Variants in DNAH8 observed in about 807,000 individuals in gnomAD.
DNAH8 encodes axonemal beta dynein heavy chain 8.
DNAH8 carries 382 observed loss-of-function variants against 562.1 expected under a neutral mutation model. That is an observed-to-expected ratio of 0.68 (90% CI 0.63 to 0.74). DNAH8 has a LOEUF of 0.74. Among genes scored for constraint, DNAH8 ranks in the 30% least tolerant of loss-of-function variants. The probability of loss-of-function intolerance (pLI) is 0.00; values close to 1 mark genes in which losing one functional copy is unlikely to be tolerated. For synonymous variants in DNAH8, 1,881 were observed against 1,919.4 expected, an observed-to-expected ratio of 0.98 and a Z score of 0.52; for missense variants, 5,203 against 5,620.4, an observed-to-expected ratio of 0.93 and a Z score of 2.37.
intron 87 of DNAH8, among the ~76,000 whole-genome samples, chr6:38,986,516 TA>T (rs1370266302): frequency 3.9e-5 from 6 of 152,022 alleles, no homozygotes; most frequent in African/African-American, 1.4e-4. Context: ...CCTAGATTCA[TA>T]AAAATAATAA....
intron 88 of DNAH8, among the ~76,000 whole-genome samples, chr6:39,002,613 A>G (rs1318453671): frequency 6.6e-6 from 1 of 152,198 alleles, no homozygotes; most frequent in Non-Finnish European, 1.5e-5. Context: ...AACTTTTAAG[A>G]TAAGTGTCTT....
rs201125423 is a variant in DNAH8 at position 38,806,793 on chromosome 6, AT to A, written c.3151-816del. Among the ~76,000 whole-genome samples, 295 of 151,920 alleles carry A rather than the reference AT, an allele frequency of 1.9e-3. 1 individual carries two copies. Among genetic ancestry groups the A allele is most frequent in the African/African-American group, 5.8e-3 (240 of 41,264 alleles). On this transcript the variant is annotated intron_variant, in intron 23 of 92. Coordinates refer to ENST00000327475, the MANE Select transcript of DNAH8 (RefSeq NM_001206927.2). ...AAGACTCTGTCTCAAAAAAAAAATA[AT>A]AATAATAATAAAAATCTGATTATGT...
Position 38,984,186 on chromosome 6 carries a change from C to T in DNAH8, c.12952-20C>T. 1 of 1,398,180 alleles carries T rather than the reference C, an allele frequency of 7.2e-7. No homozygotes were observed. Among genetic ancestry groups the T allele is most frequent in the Non-Finnish European group, 1.0e-6 (1 of 994,172 alleles). The allele number at this position is 1,398,180 out of a possible 1,614,324, so 86.6% of individuals were successfully genotyped here. Reference sequence around the variant, plus strand: ...GTGTTTGGGTTGACAATTAATAATCCTTTTTTACTTTTAATAAAGGGTGTA... The same window carrying T: ...GTGTTTGGGTTGACAATTAATAATCTTTTTTTACTTTTAATAAAGGGTGTA... On this transcript the variant is annotated intron_variant, in intron 86 of 92. Transcript: ENST00000327475.
chr6:38,914,315 T>A (rs1781126644), intron 67 of DNAH8, among the ~76,000 whole-genome samples: 1 of 151,864 alleles, frequency 6.6e-6, no homozygotes, highest in Admixed American at 6.6e-5. Flanking sequence ...GGTAGAGTTT[T>A]TTTTTTTAAA....
chr6:38,911,522 T>C lies in DNAH8; in HGVS notation c.9795T>C (p.Gly3265=). The C allele has an allele frequency of 1.2e-6, 2 of 1,613,924 alleles. No individual in the cohort carries two copies. The highest frequency in any genetic ancestry group is 1.7e-6 in the Non-Finnish European group (2 of 1,179,828). ...AATCTTACCTCTCATTTATAAATGG[T>C]TATAAAAACATTTATGCTGAAAAGG... ...TPKSYLSFIN[G]YKNIYAEKVK... Residue 3265 remains glycine (G), a synonymous_variant, in exon 66 of 93, where the codon GGT becomes GGC. Coordinates refer to ENST00000327475, the MANE Select transcript of DNAH8 (RefSeq NM_001206927.2).
chr6:38,741,926 A>G, intron 8 of DNAH8, 39 bp downstream of exon 8: 1 of 1,540,938 alleles, frequency 6.5e-7, no homozygotes, highest in South Asian at 1.2e-5. Context: ...ATACTTCAGA[A>G]CAAGCAACTA....
Position 38,926,314 on chromosome 6 carries a change from G to A in DNAH8, c.11118+104G>A. 5 of 1,282,448 alleles carry A rather than the reference G, an allele frequency of 3.9e-6. No homozygotes were observed. The South Asian group carries it at 4.4e-5, about 11-fold the overall frequency. 79.4% of individuals were successfully genotyped at this position (1,282,448 alleles called of 1,614,324 possible). On this transcript the variant is annotated intron_variant, in intron 74 of 92. Coordinates refer to ENST00000327475, the MANE Select transcript of DNAH8 (RefSeq NM_001206927.2). ...TAAAGTTGTCATCTCCATGACAAATGTTTGCTAATTCACACTCTTGAGTTT... is the reference window on the plus strand; with the variant it reads ...TAAAGTTGTCATCTCCATGACAAATATTTGCTAATTCACACTCTTGAGTTT...
intron 21 of DNAH8, 108 bp downstream of exon 21, chr6:38,791,782 T>C: frequency 8.8e-7 from 1 of 1,136,826 alleles, no homozygotes; most frequent in African/African-American, 1.6e-5. Flanking sequence ...ATTTAGACTT[T>C]TTTTTTTTGT....
chr6:38,931,620 G>C (rs1363464685), intron 75 of DNAH8, among the ~76,000 whole-genome samples, 191 bp from the exon 76 acceptor site: 1 of 152,048 alleles, frequency 6.6e-6, no homozygotes, highest in Non-Finnish European at 1.5e-5. Flanking sequence ...CACCAGGCAG[G>C]ACTACAATTC....
rs1005158629 is a variant in DNAH8, at chr6:38,722,924, G to A, written c.115G>A (p.Val39Met). The A allele has an allele frequency of 6.2e-7, 1 of 1,612,542 alleles. No individual in the cohort carries two copies. Among genetic ancestry groups the A allele is most frequent in the Admixed American group, 1.7e-5 (1 of 59,994 alleles). ...GGAAGAGGCCCCGCGCCCTCCGACA[G>A]TGGAGGCCCCGGCAGAAGATGGTTT... ...EEEEAPRPPT[V>M]EAPAEDGFSP... is the part of the protein sequence containing the mutation. Residue 39 changes from valine (V) to methionine (M), a missense_variant, in exon 2 of 93, where the codon GTG (valine) becomes ATG (methionine). Transcript: ENST00000327475.
intron 28 of DNAH8, among the ~76,000 whole-genome samples, chr6:38,825,038 G>C (rs1368681280): frequency 6.6e-6 from 1 of 152,198 alleles, no homozygotes; most frequent in Non-Finnish European, 1.5e-5. Flanking sequence ...AAAAGCAACT[G>C]TAGTATACAG....
chr6:38,904,336 C>T (rs9462460), intron 62 of DNAH8, among the ~76,000 whole-genome samples: 21,998 of 151,630 alleles, frequency 0.15, 1,905 homozygotes, highest in South Asian at 0.36. Flanking sequence ...ATGGGGAGTA[C>T]GAATAGGGTG....
At chr6:38,741,451 TC>T (rs1253967065) in intron 7 of DNAH8, among the ~76,000 whole-genome samples, 3 of 122,610 alleles carry the variant, frequency 2.4e-5, no homozygotes, top group Admixed American at 8.3e-5. Context: ...AAAAACTACC[TC>T]CCCCCCGACC....
intron 12 of DNAH8, among the ~76,000 whole-genome samples, chr6:38,771,085 A>G (rs1016132273): frequency 6.6e-6 from 1 of 152,196 alleles, no homozygotes; most frequent in Non-Finnish European, 1.5e-5. Context: ...CCCATATCAG[A>G]GACTTCTTGG....
intron 57 of DNAH8, among the ~76,000 whole-genome samples, chr6:38,887,308 G>T (rs1391441085): frequency 6.6e-6 from 1 of 152,180 alleles, no homozygotes; most frequent in East Asian, 1.9e-4. Flanking sequence ...ATAGCACAAA[G>T]ATCACAGATT....
chr6:38,897,958 G>C (rs1285251920), intron 60 of DNAH8, among the ~76,000 whole-genome samples: 1 of 152,030 alleles, frequency 6.6e-6, no homozygotes, highest in Non-Finnish European at 1.5e-5. Context: ...ATATTAAAAA[G>C]TAAGTAAAAA....
intron 28 of DNAH8, 114 bp downstream of exon 28, chr6:38,823,802 A>G: frequency 4.0e-6 from 2 of 502,100 alleles, no homozygotes. Flanking sequence ...CCAAGATATA[A>G]TAATAATAAT....
intron 82 of DNAH8, among the ~76,000 whole-genome samples, chr6:38,968,438 A>G (rs1414393730): frequency 6.6e-6 from 1 of 152,194 alleles, no homozygotes; most frequent in Non-Finnish European, 1.5e-5. Context: ...CAACTCAACA[A>G]TAGTCAAATT....
chr6:38,859,799 G>C (rs1776468380), intron 42 of DNAH8, among the ~76,000 whole-genome samples: 1 of 152,202 alleles, frequency 6.6e-6, no homozygotes, highest in Non-Finnish European at 1.5e-5. Context: ...CTTGGCTATA[G>C]TGCTGGTGCA....
Sources: gnomAD v4.1 joint callset for allele counts (sites outside exome capture counted in the v4.1 genomes callset) on GRCh38, gnomAD v4.1.1 for gene constraint, MANE v1.5 for transcripts, NCBI Gene and HGNC (gene_info 2026-07-23, HGNC 2026-07-21) for gene names.